Variants in TAFA3 observed in about 807,000 individuals in gnomAD.
The protein encoded by TAFA3 is chemokine-like protein TAFA-3.
A neutral mutation model predicts 20.7 loss-of-function variants in TAFA3; 17 were observed. The observed-to-expected ratio is 0.82, with a 90% confidence interval of 0.56 to 1.23. The LOEUF is 1.23. Among genes scored for constraint, TAFA3 ranks in the 50% most tolerant of loss-of-function variants. The probability of loss-of-function intolerance (pLI) is 0.00; values close to 1 mark genes in which losing one functional copy is unlikely to be tolerated. For missense variants in TAFA3, 174 were observed against 172.8 expected, an observed-to-expected ratio of 1.01 and a Z score of -0.04; for synonymous variants, 74 against 71.8, an observed-to-expected ratio of 1.03 and a Z score of -0.16.
At chr1:112,722,434 G>A (rs575326225) in intron 3 of TAFA3, 86 bp downstream of exon 3, 14 of 1,161,634 alleles carry the variant, frequency 1.2e-5, no homozygotes, top group Non-Finnish European at 1.6e-5. Context: ...TCCATAGCAG[G>A]CAGGTCTCCC....
chr1:112,720,577 G>A lies in TAFA3; in HGVS notation c.-59G>A, dbSNP rs1251832924. The A allele has an allele frequency of 2.0e-5, 3 of 152,300 alleles. No homozygotes were observed. The highest frequency in any genetic ancestry group is 4.4e-5 in the Non-Finnish European group (3 of 68,116). 9.4% of individuals were successfully genotyped at this position (152,300 alleles called of 1,614,324 possible). A position where few individuals can be genotyped will look rare whatever the true frequency, so the allele number is the denominator to read the frequency against. On this transcript the variant is annotated splice_region_variant and 5_prime_UTR_variant, in exon 2 of 6. It adds an upstream start codon to the 5' untranslated region. Coordinates refer to ENST00000361886, the MANE Select transcript of TAFA3 (RefSeq NM_182759.3). ...CTATGAATCTTTCCTACTTGTCCAGGTGGAGTGAGTCTGAGGACAGCAGAT... is the reference window on the plus strand; with the variant it reads ...CTATGAATCTTTCCTACTTGTCCAGATGGAGTGAGTCTGAGGACAGCAGAT...
chr1:112,724,781 T>A (rs1570854797), intron 5 of TAFA3, among the ~76,000 whole-genome samples: 2 of 35,318 alleles, frequency 5.7e-5, no homozygotes, highest in Non-Finnish European at 1.0e-4. Context: ...ACGTAAAGTA[T>A]AATTTAAAAA....
intron 1 of TAFA3, among the ~76,000 whole-genome samples, chr1:112,719,882 T>C (rs1675286338): frequency 6.6e-6 from 1 of 152,094 alleles, no homozygotes; most frequent in African/African-American, 2.4e-5. Context: ...AGATTCCCCT[T>C]ATGCTCTCGC....
intron 2 of TAFA3, 148 bp from the exon 3 acceptor site, chr1:112,722,085 C>G: frequency 1.3e-6 from 1 of 748,236 alleles, no homozygotes; most frequent in Non-Finnish European, 2.3e-6. Context: ...GCCTGCATGA[C>G]TCTGTGCCAG....
At chr1:112,724,211 C>A in intron 5 of TAFA3, 74 bp downstream of exon 5, 1 of 1,346,470 alleles carries the variant, frequency 7.4e-7, no homozygotes, top group Non-Finnish European at 1.0e-6. Flanking sequence ...GCACAGGAGC[C>A]TTGGAGGTCT....
chr1:112,724,786 TAAA>T (rs58991438), intron 5 of TAFA3, among the ~76,000 whole-genome samples: 1 of 51,420 alleles, frequency 1.9e-5, no homozygotes, highest in Non-Finnish European at 3.6e-5. Context: ...AAGTATAATT[TAAA>T]AAAAAAAAAA....
At chr1:112,722,909 C>T (rs1269563857) in intron 3 of TAFA3, 107 bp from the exon 4 acceptor site, 5 of 1,390,892 alleles carry the variant, frequency 3.6e-6, no homozygotes, top group African/African-American at 1.4e-5. Flanking sequence ...CAGTCTCTTC[C>T]ATAGCCCTCC....
At chr1:112,723,336 G>A (rs530262965) in intron 4 of TAFA3, among the ~76,000 whole-genome samples, 171 bp downstream of exon 4, 2 of 152,294 alleles carry the variant, frequency 1.3e-5, no homozygotes, top group East Asian at 1.9e-4. Context: ...GGCCATCCCT[G>A]TGTCATAGAT....
intron 2 of TAFA3, among the ~76,000 whole-genome samples, chr1:112,721,101 T>A (rs1035825761): frequency 5.3e-5 from 8 of 152,216 alleles, no homozygotes; most frequent in Non-Finnish European, 1.5e-5. Flanking sequence ...TCTTCCTTTT[T>A]AAATTTAAAT....
rs560424417 is a variant in TAFA3, at chr1:112,723,075, C to T, written c.175C>T (p.Arg59Cys). 2.5e-6 allele frequency: 4 copies of T among 1,613,130 alleles called. No individual in the cohort carries two copies. The South Asian group carries it at 3.3e-5, about 13-fold the overall frequency. The change falls in exon 4 of 6, where the codon CGC becomes TGC. Residue 59 changes from arginine to cysteine, a missense_variant. Arg to Cys is a radical substitution (Grantham distance 180, BLOSUM62 -3). Coordinates refer to ENST00000361886, the MANE Select transcript of TAFA3 (RefSeq NM_182759.3). Reference sequence around the variant, plus strand: ...GGCTCACCGCTGCTGCAACCGGAACCGCATCGAGGAGCGCTCCCAGACGGT... The same window carrying T: ...GGCTCACCGCTGCTGCAACCGGAACTGCATCGAGGAGCGCTCCCAGACGGT... ...IAAHRCCNRN[R>C]IEERSQTVKC...
Position 112,726,686 on chromosome 1 carries a change from G to A in TAFA3, c.*46G>A. On this transcript the variant is annotated 3_prime_UTR_variant, in exon 6 of 6. Coordinates refer to ENST00000361886, the MANE Select transcript of TAFA3 (RefSeq NM_182759.3). ...GACAAGAAAGGCTTGACTGAGCCGT[G>A]AACTGAAGAATGGTATCCAGTCATC... 6.2e-7 allele frequency: 1 copy of A among 1,613,944 alleles called. No individual in the cohort carries two copies. The highest frequency in any genetic ancestry group is 8.5e-7 in the Non-Finnish European group (1 of 1,179,868).
chr1:112,726,930 TA>T lies in TAFA3; in HGVS notation c.*292del. Reference sequence around the variant, plus strand: ...GAGAGTTGATGACAGACAATTTAGATAATTTAGGTTAAAGTACTTGATACCA... The same window carrying T: ...GAGAGTTGATGACAGACAATTTAGATATTTAGGTTAAAGTACTTGATACCA... On this transcript the variant is annotated 3_prime_UTR_variant, in exon 6 of 6. Transcript: ENST00000361886. 2 of 475,186 alleles carry T rather than the reference TA, an allele frequency of 4.2e-6. No homozygotes were observed. Among genetic ancestry groups the T allele is most frequent in the South Asian group, 5.9e-5 (2 of 34,160 alleles). 29.4% of individuals were successfully genotyped at this position (475,186 alleles called of 1,614,324 possible).
intron 5 of TAFA3, 82 bp downstream of exon 5, chr1:112,724,219 T>A: frequency 7.8e-7 from 1 of 1,277,194 alleles, no homozygotes. Flanking sequence ...GCCTTGGAGG[T>A]CTAGGATGTC....
rs1342751016 is a variant in TAFA3, at chr1:112,726,832, T to C, written c.*192T>C. On this transcript the variant is annotated 3_prime_UTR_variant, in exon 6 of 6. Transcript: ENST00000361886. ...TGGATCTGCAATCACATACCTAATG[T>C]GGAGCTGGGCTTTTCTGGAGACACG... is the stretch of plus-strand genomic sequence containing the variant. The C allele has an allele frequency of 2.6e-6, 2 of 779,748 alleles. No homozygotes were observed. The highest frequency in any genetic ancestry group is 4.1e-6 in the Non-Finnish European group (2 of 486,532). The allele number at this position is 779,748 out of a possible 1,614,324, so 48.3% of individuals were successfully genotyped here. A position where few individuals can be genotyped will look rare whatever the true frequency, so the allele number is the denominator to read the frequency against.
At chr1:112,724,816 C>CAA in intron 5 of TAFA3, among the ~76,000 whole-genome samples, 304 of 22,610 alleles carry the variant, frequency 0.013, 16 homozygotes, top group African/African-American at 0.041. Context: ...ATTAGAGCAG[C>CAA]AAAAAAAAAA....
At chr1:112,722,468 C>G in intron 3 of TAFA3, 120 bp downstream of exon 3, 1 of 807,456 alleles carries the variant, frequency 1.2e-6, no homozygotes, top group Non-Finnish European at 1.9e-6. Flanking sequence ...TCCAGAGATT[C>G]TAGGGGTTCC....
rs770561283 is a variant in TAFA3, at chr1:112,722,252, C to A, written c.19C>A (p.Arg7=). Residue 7 remains arginine (R), a synonymous_variant, in exon 3 of 6, where the codon CGG becomes AGG. Transcript: ENST00000361886. ...CCGCAGGATGAGTGAGAGGGTCGAG[C>A]GGAACTGGAGCACGGGCGGCTGGCT... MSERVE[R]NWSTGGWLLA... 1.3e-5 allele frequency: 21 copies of A among 1,614,066 alleles called. No homozygotes were observed. The highest frequency in any genetic ancestry group is 1.8e-5 in the Non-Finnish European group (21 of 1,179,978).
At chr1:112,723,976 A>G (rs1252399285) in intron 4 of TAFA3, 37 bp from the exon 5 acceptor site, 1 of 1,613,844 alleles carries the variant, frequency 6.2e-7, no homozygotes, top group Admixed American at 1.7e-5. Flanking sequence ...GTGCTCGTAG[A>G]GACCCTAGAG....
At chr1:112,721,655 T>A (rs1270923680) in intron 2 of TAFA3, among the ~76,000 whole-genome samples, 1 of 152,158 alleles carries the variant, frequency 6.6e-6, no homozygotes, top group African/African-American at 2.4e-5. Flanking sequence ...ACACTTTGCT[T>A]TTTTTCCCCC....
Sources: allele counts gnomAD v4.1 joint callset (sites outside exome capture counted in the v4.1 genomes callset), GRCh38; gene constraint gnomAD v4.1.1; transcripts MANE v1.5; gene names NCBI Gene and HGNC (gene_info 2026-07-23, HGNC 2026-07-21).